The following FAIM2 variants were observed in gnomAD, a reference collection of about 807,000 sequenced individuals.
FAIM2 encodes the protein protein lifeguard 2.
Under a neutral mutation model 47.4 loss-of-function variants are expected in FAIM2, and 27 were observed. The observed-to-expected ratio is 0.57, with a 90% confidence interval of 0.42 to 0.78. FAIM2 has a LOEUF of 0.78. FAIM2 is among the 30% of genes least tolerant of loss of function. The probability of loss-of-function intolerance (pLI) is 0.00; values close to 1 mark genes in which losing one functional copy is unlikely to be tolerated. For synonymous variants in FAIM2, 156 were observed against 159.3 expected (o/e 0.98, Z 0.16); for missense variants, 311 against 389.4 (o/e 0.80, Z 1.69).
At chr12:49,885,348 C>T (rs1454276416) in intron 11 of FAIM2, among the ~76,000 whole-genome samples, 1 of 152,188 alleles carries the variant, frequency 6.6e-6, no homozygotes, top group African/African-American at 2.4e-5. Context: ...GACTGTCTGC[C>T]CTGGCTTGGC....
Position 49,890,650 on chromosome 12 carries a change from G to A in FAIM2, c.525+33C>T, listed in dbSNP as rs186217164. On this transcript the variant is annotated intron_variant, in intron 7 of 11. Coordinates refer to ENST00000320634, the MANE Select transcript of FAIM2 (RefSeq NM_012306.4). The stretch of plus-strand genomic sequence containing the variant: ...TCCCTTCTTCCTCCATCCCCACTCA[G>A]CGTCTGTCCTCAGCACACCCAGGAT... 1,515 of 1,606,126 alleles carry A rather than the reference G, an allele frequency of 9.4e-4. 2 individuals are homozygous for A. The highest frequency in any genetic ancestry group is 1.3e-3 in the Middle Eastern group (8 of 6,042).
At position 49,889,551 on chromosome 12, in the gene FAIM2, G is replaced by C. The variant is rs764121293; in HGVS notation, c.581C>G (p.Ser194Cys). The change falls in exon 9 of 12, where the codon TCC becomes TGC. Residue 194 changes from serine to cysteine, a missense_variant. Transcript: ENST00000320634. ...GMLSSYYNTT[S>C]VLLCLGITAL... The stretch of plus-strand genomic sequence containing the variant: ...CGTGATGCCCAGGCACAGCAGCACG[G>C]AGGTGGTGTTGTAGTAGCTGAGGAC... 7 of 1,614,054 alleles carry C rather than the reference G, an allele frequency of 4.3e-6. No homozygotes were observed. Among genetic ancestry groups the C allele is most frequent in the Non-Finnish European group, 5.9e-6 (7 of 1,179,968 alleles).
intron 11 of FAIM2, among the ~76,000 whole-genome samples, chr12:49,883,328 T>G (rs1946839339): frequency 6.6e-6 from 1 of 151,320 alleles, no homozygotes. Flanking sequence ...GGAGTAGCCA[T>G]GAGGGCAGAG....
chr12:49,896,992 C>G lies in FAIM2; in HGVS notation c.434+39G>C, dbSNP rs370061356. 6 of 1,545,558 alleles carry G rather than the reference C, an allele frequency of 3.9e-6. No individual in the cohort carries two copies. The African/African-American group carries it at 8.2e-5, about 21-fold the overall frequency. The stretch of plus-strand genomic sequence containing the variant: ...GAGATTCCCTCTTCTGGCCACTAAG[C>G]CTTCTCTGGAAGGGGACTGGGGACT... On this transcript the variant is annotated intron_variant, in intron 5 of 11. Transcript: ENST00000320634.
intron 11 of FAIM2, among the ~76,000 whole-genome samples, chr12:49,875,962 T>C (rs836966): frequency 0.15 from 22,641 of 151,594 alleles, 1,933 homozygotes; most frequent in African/African-American, 0.24. Context: ...GGCGACAGAG[T>C]GAGACTCCAT....
intron 11 of FAIM2, among the ~76,000 whole-genome samples, chr12:49,878,099 T>A (rs1186344564): frequency 0.016 from 1,713 of 107,784 alleles, 62 homozygotes; most frequent in African/African-American, 0.058. Context: ...AGTGCATGTG[T>A]GTGCATGTGT....
intron 11 of FAIM2, among the ~76,000 whole-genome samples, chr12:49,878,796 G>A (rs1946769414): frequency 2.0e-5 from 2 of 98,720 alleles, no homozygotes; most frequent in African/African-American, 5.3e-5. Flanking sequence ...GTGCCTGTGT[G>A]TATATGTGTG....
At chr12:49,880,504 A>ATATGTGTGTGTG (rs763218194) in intron 11 of FAIM2, among the ~76,000 whole-genome samples, 3 of 135,572 alleles carry the variant, frequency 2.2e-5, no homozygotes, top group East Asian at 2.2e-4. Flanking sequence ...ATGTGTGTGT[A>ATATGTGTGTGTG]TGAGTGTGTA....
chr12:49,871,284 A>C (rs1445417164), intron 11 of FAIM2, among the ~76,000 whole-genome samples: 1 of 152,260 alleles, frequency 6.6e-6, no homozygotes, highest in Non-Finnish European at 1.5e-5. Flanking sequence ...CAACCTGAGC[A>C]GGCCGGCTTC....
chr12:49,879,554 A>C (rs1377481568), intron 11 of FAIM2, among the ~76,000 whole-genome samples: 3 of 146,206 alleles, frequency 2.1e-5, no homozygotes, highest in Non-Finnish European at 4.5e-5. Flanking sequence ...GTATGGGTGT[A>C]TGTGCATGCA....
intron 10 of FAIM2, among the ~76,000 whole-genome samples, 196 bp downstream of exon 10, chr12:49,888,911 G>T (rs1397999443): frequency 2.0e-5 from 3 of 152,196 alleles, no homozygotes; most frequent in Non-Finnish European, 4.4e-5. Context: ...AGGTACCCAG[G>T]CCTGACAAGA....
Position 49,889,529 on chromosome 12 carries a change from G to T in FAIM2, c.603C>A (p.Ile201=). 1 of 1,614,126 alleles carries T rather than the reference G, an allele frequency of 6.2e-7. No individual in the cohort carries two copies. Among genetic ancestry groups the T allele is most frequent in the Non-Finnish European group, 8.5e-7 (1 of 1,180,006 alleles). The part of the protein sequence containing the change: ...NTTSVLLCLG[I]TALVCLSVTV... ...TGACTGAGAGGCAGACAAGGGCCGT[G>T]ATGCCCAGGCACAGCAGCACGGAGG... The change falls in exon 9 of 12, where the codon ATC becomes ATA. Residue 201 remains isoleucine (I), a synonymous_variant. Transcript: ENST00000320634.
chr12:49,877,746 A>C lies in FAIM2; in HGVS notation c.802-7093T>G, dbSNP rs543298675. ...GGCATGTGGGTATGTGTGTGCCTGT[A>C]TATATACGTGTGTATGTGCGTATGT... On this transcript the variant is annotated intron_variant, in intron 11 of 11. Coordinates refer to ENST00000320634, the MANE Select transcript of FAIM2 (RefSeq NM_012306.4). Among the ~76,000 whole-genome samples, 325 of 152,080 alleles carry C rather than the reference A, an allele frequency of 2.1e-3. 1 individual carries two copies. The highest frequency in any genetic ancestry group is 7.4e-3 in the African/African-American group (305 of 41,436).
rs1347193525 is a variant in FAIM2, at chr12:49,878,158, GTGTA to G, written c.802-7509_802-7506del. 9.9e-5 allele frequency among the ~76,000 whole-genome samples: 10 copies of G among 101,224 alleles called. 1 individual carries two copies. Among genetic ancestry groups the G allele is most frequent in the East Asian group, 7.1e-4 (2 of 2,812 alleles). The allele number at this position is 101,224 out of a possible 152,430, so 66.4% of individuals were successfully genotyped here. On this transcript the variant is annotated intron_variant, in intron 11 of 11. Transcript: ENST00000320634. ...AGTGTGCATGTGAGTGTGTGTATGA[GTGTA>G]TGTGTGTATGTGCATGTGTATATGT...
At position 49,898,044 on chromosome 12, in the gene FAIM2, C is replaced by G. The variant is rs753696665; in HGVS notation, c.258G>C (p.Glu86Asp). ...CATCCCAGCTGAAAGTGGTGAAGAG[C>G]TCATGGTCTCCGGTGGGGAAACCGT... ...YDNGFPTGDH[E>D]LFTTFSWDDQ... is the part of the protein sequence containing the mutation. Residue 86 changes from glutamate (E) to aspartate (D), a missense_variant, in exon 3 of 12, where the codon GAG (glutamate) becomes GAC (aspartate). Physicochemically the swap from Glu to Asp is conservative, Grantham distance 45. Transcript: ENST00000320634. 13 of 1,614,128 alleles carry G rather than the reference C, an allele frequency of 8.1e-6. No individual in the cohort carries two copies. The highest frequency in any genetic ancestry group is 1.0e-5 in the Non-Finnish European group (12 of 1,179,998).
At chr12:49,900,244 G>A in intron 2 of FAIM2, 3 of 1,283,318 alleles carry the variant, frequency 2.3e-6, no homozygotes, top group Non-Finnish European at 3.0e-6. Context: ...AGACCATGGT[G>A]GCTACTCCCT....
chr12:49,893,421 C>T (rs1946914148), intron 5 of FAIM2, among the ~76,000 whole-genome samples: 1 of 152,172 alleles, frequency 6.6e-6, no homozygotes, highest in African/African-American at 2.4e-5. Context: ...AAAGCCTGAG[C>T]CCCCGCACCC....
intron 5 of FAIM2, among the ~76,000 whole-genome samples, chr12:49,891,319 G>A (rs75366467): frequency 2.2e-3 from 336 of 152,264 alleles, no homozygotes; most frequent in Non-Finnish European, 3.7e-3. Context: ...GGACGAGCCT[G>A]CTTCTAGAAA....
At chr12:49,890,976 A>G in intron 6 of FAIM2, 88 bp downstream of exon 6, 1 of 1,334,476 alleles carries the variant, frequency 7.5e-7, no homozygotes, top group Non-Finnish European at 1.1e-6. Context: ...AGGGCTGCAC[A>G]GCTCACTGGT....
Sources: allele counts gnomAD v4.1 joint callset (sites outside exome capture counted in the v4.1 genomes callset), GRCh38; gene constraint gnomAD v4.1.1; transcripts MANE v1.5; gene names NCBI Gene and HGNC (gene_info 2026-07-23, HGNC 2026-07-21).